Variants in IFT140 observed in about 807,000 individuals in gnomAD.
IFT140 encodes the protein intraflagellar transport 140.
IFT140 carries 133 observed loss-of-function variants against 164.6 expected under a neutral mutation model. The observed-to-expected ratio is 0.81, with a 90% CI of 0.70 to 0.93. The LOEUF is 0.93. Ranked by LOEUF, IFT140 falls within the 40% of genes least tolerant of loss-of-function variation. IFT140 has a pLI of 0.00. For missense variants in IFT140, 2,045 were observed against 1,972.3 expected, an observed-to-expected ratio of 1.04 and a Z score of -0.70; for synonymous variants, 860 against 817.3, an observed-to-expected ratio of 1.05 and a Z score of -0.89.
At chr16:1,528,913 A>G (rs3784825) in intron 19 of IFT140, 30,078 of 152,062 alleles carry the variant, frequency 0.2, 3,742 homozygotes, top group African/African-American at 0.34. Flanking sequence ...TGGTACCTCC[A>G]TCTCCGGGAG....
In IFT140 at chr16:1,525,118, G is replaced by A. The variant is rs549439164; in HGVS notation, c.2864+113C>T. The A allele has an allele frequency of 5.7e-5, 66 of 1,165,396 alleles. No individual in the cohort carries two copies. In the South Asian group the frequency reaches 7.6e-4, roughly 13 times the overall value. 72.2% of individuals were successfully genotyped at this position (1,165,396 alleles called of 1,614,324 possible). A position where few individuals can be genotyped will look rare whatever the true frequency, so the allele number is the denominator to read the frequency against. On this transcript the variant is annotated intron_variant, in intron 22 of 30. Coordinates refer to ENST00000426508, the MANE Select transcript of IFT140 (RefSeq NM_014714.4). ...CATGGCTCTGAGGAGCCGGGAGGACGCTGCCCACTCGTGCAGGAAGCACGG... is the reference window on the plus strand; with the variant it reads ...CATGGCTCTGAGGAGCCGGGAGGACACTGCCCACTCGTGCAGGAAGCACGG...
intron 19 of IFT140, chr16:1,534,590 G>A (rs200810216): frequency 2.5e-6 from 4 of 1,596,424 alleles, no homozygotes; most frequent in Non-Finnish European, 3.4e-6. Context: ...CCTTCAGCGT[G>A]GCCGAGGCTC....
At position 1,510,981 on chromosome 16, in the gene IFT140, T is replaced by C. The variant is rs767245111; in HGVS notation, c.4352A>G (p.Asp1451Gly). Residue 1451 changes from aspartate (D) to glycine (G), a missense_variant, in exon 31 of 31, where the codon GAC becomes GGC. Asp to Gly is a moderately conservative substitution (Grantham distance 94). Transcript: ENST00000426508. ...ATCTGCCTCTTCCACCACCTCCTCG[T>C]CCAGCTCCCTGGCGTCCTCCATGCT... ...HNSMEDAREL[D>G]EEVVEEADDD... 2 of 1,612,234 alleles carry C rather than the reference T, an allele frequency of 1.2e-6. No homozygotes were observed. The highest frequency in any genetic ancestry group is 1.7e-6 in the Non-Finnish European group (2 of 1,179,356).
chr16:1,602,541 G>T lies in IFT140; in HGVS notation c.198C>A (p.Ser66=). The T allele has an allele frequency of 1.2e-6, 2 of 1,614,020 alleles. No individual in the cohort carries two copies. The highest frequency in any genetic ancestry group is 1.7e-4 in the Middle Eastern group (1 of 6,018). The change falls in exon 4 of 31, where the codon TCC becomes TCA. Residue 66 remains serine (S), a synonymous_variant. Transcript: ENST00000426508. The part of the protein sequence containing the change: ...THVERPFRVA[S]LCWHPTRLVL... ...CCAGCCGCGTCGGGTGCCAGCACAG[G>T]GAAGCAACCCGGAACGGCCTCTCGA...
chr16:1,587,790 TG>T, intron 8 of IFT140, 142 bp downstream of exon 8: 1 of 645,094 alleles, frequency 1.6e-6, no homozygotes, highest in Non-Finnish European at 2.7e-6. Flanking sequence ...GTCTGGGAGC[TG>T]GTGAATGGGT....
chr16:1,518,289 T>C lies in IFT140; in HGVS notation c.4109A>G (p.Asp1370Gly). ...GACGTCCCCGATGCGGATGGTGCTG[T>C]CCAGGTCTGGTTCCTCCAGGAGCAG... is the stretch of plus-strand genomic sequence containing the variant. ...CELLLEEPDL[D>G]STIRIGDVYG... The change falls in exon 30 of 31, where the codon GAC (aspartate) becomes GGC (glycine). Residue 1370 changes from aspartate to glycine, a missense_variant. Coordinates refer to ENST00000426508, the MANE Select transcript of IFT140 (RefSeq NM_014714.4). 6.2e-7 allele frequency: 1 copy of C among 1,614,154 alleles called. No homozygotes were observed. The highest frequency in any genetic ancestry group is 2.2e-5 in the East Asian group (1 of 44,858).
chr16:1,558,752 C>G (rs1010301214), intron 18 of IFT140, among the ~76,000 whole-genome samples: 4 of 152,234 alleles, frequency 2.6e-5, no homozygotes, highest in African/African-American at 9.6e-5. Flanking sequence ...AGCCCTGCCC[C>G]TCATCTGGAT....
chr16:1,557,749 G>A, intron 19 of IFT140, 186 bp downstream of exon 19: 1 of 625,934 alleles, frequency 1.6e-6, no homozygotes, highest in Non-Finnish European at 2.8e-6. Flanking sequence ...GAGAGGCTGA[G>A]AGCTTCCCAC....
intron 19 of IFT140, among the ~76,000 whole-genome samples, chr16:1,548,437 C>T (rs1288690308): frequency 6.6e-6 from 1 of 152,230 alleles, no homozygotes; most frequent in African/African-American, 2.4e-5. Flanking sequence ...GTAATTCACA[C>T]TGTCCGGGCG....
At chr16:1,591,186 G>A (rs1313985218) in intron 6 of IFT140, among the ~76,000 whole-genome samples, 6 of 152,208 alleles carry the variant, frequency 3.9e-5, no homozygotes, top group Non-Finnish European at 7.4e-5. Flanking sequence ...TCCCTGGCAC[G>A]CACCCCCTCC....
At chr16:1,584,060 T>A (rs911311822) in intron 11 of IFT140, among the ~76,000 whole-genome samples, 157 bp downstream of exon 11, 1 of 152,168 alleles carries the variant, frequency 6.6e-6, no homozygotes, top group Non-Finnish European at 1.5e-5. Flanking sequence ...ATTTTCTTTA[T>A]GAATATAATG....
intron 19 of IFT140, among the ~76,000 whole-genome samples, chr16:1,536,055 G>C (rs1567342392): frequency 6.6e-6 from 1 of 152,212 alleles, no homozygotes; most frequent in Non-Finnish European, 1.5e-5. Context: ...GCGCTCATGT[G>C]CTTTGGGACC....
chr16:1,511,372 A>G (rs2040147447), intron 30 of IFT140, among the ~76,000 whole-genome samples: 1 of 152,232 alleles, frequency 6.6e-6, no homozygotes, highest in Non-Finnish European at 1.5e-5. Context: ...GACACTCAAC[A>G]GGAAGCTTCG....
chr16:1,594,764 C>T (rs1438114527), intron 4 of IFT140, among the ~76,000 whole-genome samples: 1 of 152,184 alleles, frequency 6.6e-6, no homozygotes, highest in Non-Finnish European at 1.5e-5. Context: ...TTAGGCGGCA[C>T]CCAGGGGCAG....
At chr16:1,573,071 G>T (rs972707372) in intron 13 of IFT140, among the ~76,000 whole-genome samples, 1 of 152,218 alleles carries the variant, frequency 6.6e-6, no homozygotes, top group Admixed American at 6.5e-5. Flanking sequence ...CCAGCAAAGG[G>T]GCAGGAGCCT....
chr16:1,553,908 T>TA lies in IFT140; in HGVS notation c.2399+4026dup. On this transcript the variant is annotated intron_variant, in intron 19 of 30. Coordinates refer to ENST00000426508, the MANE Select transcript of IFT140 (RefSeq NM_014714.4). This position sits in a 1 kb window ranked among gnomAD's most constrained non-coding sequence, Gnocchi z 4.4. ...ACCCTGATTTTCCTGTTGTAAGAAC[T>TA]AAAAAGGTCTTTGGAGCTCCTCAAA... 5.5e-6 allele frequency: 7 copies of TA among 1,277,434 alleles called. No homozygotes were observed. The highest frequency in any genetic ancestry group is 6.1e-6 in the Non-Finnish European group (6 of 982,032). 79.1% of individuals were successfully genotyped at this position (1,277,434 alleles called of 1,614,324 possible). A position where few individuals can be genotyped will look rare whatever the true frequency, so the allele number is the denominator to read the frequency against.
chr16:1,541,868 G>A, intron 19 of IFT140: 1 of 1,500,076 alleles, frequency 6.7e-7, no homozygotes, highest in Non-Finnish European at 8.9e-7. Context: ...CGGCTGGCGT[G>A]GCCTCTGGAG....
Position 1,553,204 on chromosome 16 carries a change from G to T in IFT140, c.2399+4731C>A, listed in dbSNP as rs1355740839. 2 of 981,796 alleles carry T rather than the reference G, an allele frequency of 2.0e-6. No homozygotes were observed. Among genetic ancestry groups the T allele is most frequent in the East Asian group, 2.3e-4 (2 of 8,808 alleles). 60.8% of individuals were successfully genotyped at this position (981,796 alleles called of 1,614,324 possible). A position where few individuals can be genotyped will look rare whatever the true frequency, so the allele number is the denominator to read the frequency against. ...TCTGTCTCTCCTTCCCTGTGTCTCT[G>T]TCTCTGTCTCTCTCTGTCTCCATCT... On this transcript the variant is annotated intron_variant, in intron 19 of 30. Transcript: ENST00000426508. This position sits in a 1 kb window ranked among gnomAD's most constrained non-coding sequence, Gnocchi z 4.4.
At chr16:1,607,753 C>T (rs3784840) in intron 2 of IFT140, among the ~76,000 whole-genome samples, 37,268 of 152,098 alleles carry the variant, frequency 0.25, 4,782 homozygotes, top group East Asian at 0.34. Flanking sequence ...AAGTGATCCT[C>T]CCACCTCAGC....
Sources: gnomAD v4.1 joint callset for allele counts (sites outside exome capture counted in the v4.1 genomes callset) on GRCh38, gnomAD v4.1.1 for gene constraint, Gnocchi (gnomAD v3.1) non-coding constraint, MANE v1.5 for transcripts, NCBI Gene and HGNC (gene_info 2026-07-23, HGNC 2026-07-21) for gene names.